Variants in COL4A1 observed in about 807,000 individuals in gnomAD.
COL4A1 encodes collagen alpha-1(IV) chain.
In COL4A1, 40 loss-of-function variants were observed where a neutral mutation model predicts 216.6. That is an observed-to-expected ratio of 0.18 (90% CI 0.14 to 0.24). The LOEUF (loss-of-function observed/expected upper bound fraction) is 0.24. COL4A1 is among the 10% of genes least tolerant of loss of function. The probability of loss-of-function intolerance (pLI) is 1.00; values close to 1 mark genes in which losing one functional copy is unlikely to be tolerated. For synonymous variants in COL4A1, 839 were observed against 810.7 expected (o/e 1.03, Z -0.59); for missense variants, 1,628 against 2,196.8 (o/e 0.74, Z 5.18).
rs202198648 is a variant in COL4A1, at chr13:110,206,903, C to T, written c.781-12G>A. The T allele has an allele frequency of 3.9e-4, 628 of 1,613,376 alleles. 1 individual carries two copies. The highest frequency in any genetic ancestry group is 4.9e-4 in the Non-Finnish European group (574 of 1,179,914). ...TCACCTTTTTGGCCCTGAAAGAATT[C>T]GAGAGACAGATCAGCACTATCAAAC... On this transcript the variant is annotated splice_polypyrimidine_tract_variant and intron_variant, in intron 13 of 51. Coordinates refer to ENST00000375820, the MANE Select transcript of COL4A1 (RefSeq NM_001845.6).
At chr13:110,181,241 T>C (rs766594052) in intron 29 of COL4A1, 51 bp downstream of exon 29, 1 of 1,571,944 alleles carries the variant, frequency 6.4e-7, no homozygotes, top group Admixed American at 1.7e-5. Context: ...TCCATCCAAC[T>C]AATAACAAGG....
chr13:110,255,421 G>A (rs1882465612), intron 1 of COL4A1, among the ~76,000 whole-genome samples: 1 of 150,058 alleles, frequency 6.7e-6, no homozygotes, highest in South Asian at 2.2e-4. Context: ...GAAGGCGGGA[G>A]AAGAGTGCAA....
At chr13:110,233,167 AT>A in intron 2 of COL4A1, among the ~76,000 whole-genome samples, 1 of 152,290 alleles carries the variant, frequency 6.6e-6, no homozygotes, top group Non-Finnish European at 1.5e-5. Flanking sequence ...AAAAAAATTC[AT>A]TGTTTTCAAA....
At chr13:110,192,598 T>C (rs997790444) in intron 23 of COL4A1, among the ~76,000 whole-genome samples, 1 of 152,138 alleles carries the variant, frequency 6.6e-6, no homozygotes, top group Non-Finnish European at 1.5e-5. Context: ...ATCTGTGGCA[T>C]GGAGGGAACT....
chr13:110,193,375 C>T (rs181631994), intron 22 of COL4A1, among the ~76,000 whole-genome samples: 7 of 152,306 alleles, frequency 4.6e-5, no homozygotes, highest in Admixed American at 3.3e-4. Context: ...TAAGAAGCCA[C>T]AAAAGCAAGA....
In COL4A1 at chr13:110,169,743, C is replaced by T. The variant is rs767554069; in HGVS notation, c.3762G>A (p.Gly1254=). ...CATCAATCCCAGGAAGCCCTGGAGG[C>T]CCCATGGGTCCCGGAAGTCCTAATG... ...PGLPGLPGPM[G]PPGLPGIDGV... is the part of the protein sequence containing the mutation. The change falls in exon 43 of 52, where the codon GGG becomes GGA. Residue 1254 remains glycine, a synonymous_variant. Coordinates refer to ENST00000375820, the MANE Select transcript of COL4A1 (RefSeq NM_001845.6). 1.2e-6 allele frequency: 2 copies of T among 1,614,012 alleles called. No homozygotes were observed. Among genetic ancestry groups the T allele is most frequent in the Non-Finnish European group, 1.7e-6 (2 of 1,180,014 alleles).
At chr13:110,295,739 C>T (rs1030814700) in intron 1 of COL4A1, among the ~76,000 whole-genome samples, 2 of 152,150 alleles carry the variant, frequency 1.3e-5, no homozygotes, top group African/African-American at 4.8e-5. Flanking sequence ...CGGTAAATGG[C>T]TTTCTGACCT....
intron 1 of COL4A1, among the ~76,000 whole-genome samples, chr13:110,293,257 G>T (rs543247126): frequency 6.6e-6 from 1 of 152,196 alleles, no homozygotes; most frequent in Non-Finnish European, 1.5e-5. Flanking sequence ...GTTTCTGGAC[G>T]TCTGCAGGCT....
chr13:110,162,938 C>T (rs1594537183), intron 47 of COL4A1, among the ~76,000 whole-genome samples: 1 of 152,348 alleles, frequency 6.6e-6, no homozygotes, highest in Non-Finnish European at 1.5e-5. Context: ...GCAGGCAAGG[C>T]CTGCTTCTGT....
At chr13:110,197,572 A>C (rs549547454) in intron 21 of COL4A1, among the ~76,000 whole-genome samples, 1 of 152,104 alleles carries the variant, frequency 6.6e-6, no homozygotes, top group South Asian at 2.1e-4. Flanking sequence ...AAGTTCCCCA[A>C]AGTCACACAT....
intron 1 of COL4A1, among the ~76,000 whole-genome samples, chr13:110,278,892 C>T (rs539685436): frequency 6.6e-6 from 1 of 152,256 alleles, no homozygotes; most frequent in East Asian, 1.9e-4. Context: ...TCCCACACCT[C>T]CTTTTCATTT....
chr13:110,165,581 A>T (rs1566343105), intron 45 of COL4A1, among the ~76,000 whole-genome samples: 1 of 128,236 alleles, frequency 7.8e-6, no homozygotes, highest in Non-Finnish European at 1.7e-5. Flanking sequence ...CCTTCCACAC[A>T]CCCTCCCTCA....
At chr13:110,153,015 A>G (rs1385566404) in intron 50 of COL4A1, among the ~76,000 whole-genome samples, 1 of 152,260 alleles carries the variant, frequency 6.6e-6, no homozygotes, top group Non-Finnish European at 1.5e-5. Context: ...GAAAGAGAAA[A>G]AAATAGCTAC....
intron 41 of COL4A1, among the ~76,000 whole-genome samples, chr13:110,171,164 T>C (rs1877625909): frequency 6.6e-6 from 1 of 152,230 alleles, no homozygotes; most frequent in African/African-American, 2.4e-5. Flanking sequence ...GAGCAACCAC[T>C]GGGCTGGATC....
chr13:110,268,014 CA>C lies in COL4A1; in HGVS notation c.85-25281del, dbSNP rs34030038. 0.5 allele frequency among the ~76,000 whole-genome samples: 74,612 copies of C among 150,106 alleles called. 19,502 individuals carry two copies. Among genetic ancestry groups the C allele is most frequent in the Admixed American group, 0.6 (9,144 of 15,122 alleles). ...ACACCTAGAACACAGCTGCCCCCCTCAAAAAAAAAATACAGAAAAAAGAAAC... is the reference window on the plus strand; with the variant it reads ...ACACCTAGAACACAGCTGCCCCCCTCAAAAAAAAATACAGAAAAAAGAAAC... On this transcript the variant is annotated intron_variant, in intron 1 of 51. Coordinates refer to ENST00000375820, the MANE Select transcript of COL4A1 (RefSeq NM_001845.6). The surrounding 1 kb of genome is among the most constrained non-coding windows in gnomAD (Gnocchi z 4.1).
intron 2 of COL4A1, among the ~76,000 whole-genome samples, chr13:110,215,945 T>A (rs1880052165): frequency 6.6e-6 from 1 of 152,158 alleles, no homozygotes; most frequent in African/African-American, 2.4e-5. Flanking sequence ...CCGCCACACC[T>A]CCATAGAGCT....
intron 24 of COL4A1, chr13:110,191,017 C>T (rs1878604693): frequency 6.6e-6 from 1 of 152,306 alleles, no homozygotes; most frequent in Non-Finnish European, 1.5e-5. Flanking sequence ...TTAAAAACGT[C>T]CTTTTCTGCT....
rs1276613908 is a variant in COL4A1 at position 110,268,088 on chromosome 13, G to T, written c.85-25354C>A. On this transcript the variant is annotated intron_variant, in intron 1 of 51. Coordinates refer to ENST00000375820, the MANE Select transcript of COL4A1 (RefSeq NM_001845.6). The surrounding 1 kb of genome is among the most constrained non-coding windows in gnomAD (Gnocchi z 4.1). Reference sequence around the variant, plus strand: ...AAGCTCATGACATTTGACTCCAGGAGGAAAGTTTGACAGACTGCTGTTAAG... The same window carrying T: ...AAGCTCATGACATTTGACTCCAGGATGAAAGTTTGACAGACTGCTGTTAAG... 6.6e-6 allele frequency among the ~76,000 whole-genome samples: 1 copy of T among 152,148 alleles called. No homozygotes were observed. The highest frequency in any genetic ancestry group is 1.9e-4 in the East Asian group (1 of 5,198).
At chr13:110,246,472 T>A (rs1177000198) in intron 1 of COL4A1, among the ~76,000 whole-genome samples, 4 of 152,170 alleles carry the variant, frequency 2.6e-5, no homozygotes, top group African/African-American at 9.7e-5. Context: ...TAAATTACTG[T>A]GTTTAAAAGG....
Sources: allele counts gnomAD v4.1 joint callset (sites outside exome capture counted in the v4.1 genomes callset), GRCh38; gene constraint gnomAD v4.1.1; non-coding constraint Gnocchi (gnomAD v3.1); transcripts MANE v1.5; gene names NCBI Gene and HGNC (gene_info 2026-07-23, HGNC 2026-07-21).